Variants in TRMT11 observed in about 807,000 individuals in gnomAD.
TRMT11 encodes tRNA methyltransferase 11.
Under a neutral mutation model 62.8 loss-of-function variants are expected in TRMT11, and 53 were observed. The ratio of observed to expected loss-of-function variants is 0.84; its 90% CI spans 0.68 to 1.06. The LOEUF is 1.06. Ranked by LOEUF, TRMT11 falls within the 50% of genes least tolerant of loss-of-function variation. TRMT11 has a pLI of 0.00. For synonymous variants in TRMT11, 188 were observed against 190.3 expected (o/e 0.99, Z 0.10); for missense variants, 556 against 553.4 (o/e 1.00, Z -0.05).
At chr6:126,057,950 T>C (rs1011165809) in intron 17 of TRMT11, among the ~76,000 whole-genome samples, 1 of 127,340 alleles carries the variant, frequency 7.9e-6, no homozygotes. Context: ...TATTTCTTTT[T>C]TTCTTTTTCT....
At chr6:126,160,961 A>G (rs1778183345) in intron 21 of TRMT11, among the ~76,000 whole-genome samples, 1 of 152,228 alleles carries the variant, frequency 6.6e-6, no homozygotes, top group African/African-American at 2.4e-5. Flanking sequence ...AAAAGTACAG[A>G]AAGTTTAGAA....
intron 21 of TRMT11, among the ~76,000 whole-genome samples, chr6:126,171,004 A>G (rs982254455): frequency 3.3e-5 from 5 of 152,206 alleles, no homozygotes; most frequent in Non-Finnish European, 7.3e-5. Flanking sequence ...TTTAATGAGC[A>G]GGTTGATCCC....
At chr6:126,137,446 T>G (rs1401399324) in intron 21 of TRMT11, among the ~76,000 whole-genome samples, 1 of 151,760 alleles carries the variant, frequency 6.6e-6, no homozygotes, top group African/African-American at 2.4e-5. Context: ...TCAGATATTA[T>G]CTGATTGGCT....
chr6:126,070,682 C>T (rs1183013499), intron 17 of TRMT11, among the ~76,000 whole-genome samples: 1 of 152,164 alleles, frequency 6.6e-6, no homozygotes, highest in Non-Finnish European at 1.5e-5. Flanking sequence ...CCTACATAAA[C>T]CAAATGTGAG....
chr6:126,108,899 TCTA>T (rs1250118928), intron 17 of TRMT11, among the ~76,000 whole-genome samples: 16 of 152,130 alleles, frequency 1.1e-4, no homozygotes, highest in Admixed American at 7.2e-4. Flanking sequence ...AGGACACTCT[TCTA>T]CTATATGGAA....
intron 1 of TRMT11, among the ~76,000 whole-genome samples, chr6:126,183,863 G>A (rs1244620944): frequency 2.6e-5 from 4 of 152,104 alleles, no homozygotes; most frequent in Non-Finnish European, 5.9e-5. Flanking sequence ...AAGCTGATGC[G>A]AGCAACCTGA....
intron 17 of TRMT11, among the ~76,000 whole-genome samples, chr6:126,053,487 A>T (rs1776275854): frequency 6.6e-6 from 1 of 152,162 alleles, no homozygotes; most frequent in Admixed American, 6.5e-5. Context: ...TCTCAGACCT[A>T]ATCACTTTTG....
chr6:126,246,553 C>T, the TRMT11 span, among the ~76,000 whole-genome samples: 1 of 151,842 alleles, frequency 6.6e-6, no homozygotes, highest in African/African-American at 2.4e-5. Flanking sequence ...GCTGCATCCA[C>T]GGAAGTGACT....
At chr6:126,014,780 A>T (rs977671080) in intron 11 of TRMT11, among the ~76,000 whole-genome samples, 1 of 152,152 alleles carries the variant, frequency 6.6e-6, no homozygotes, top group African/African-American at 2.4e-5. Flanking sequence ...GTTGCTAATG[A>T]TCATCTCATT....
At chr6:126,033,480 T>G (rs948406487) in intron 12 of TRMT11, among the ~76,000 whole-genome samples, 17 of 152,208 alleles carry the variant, frequency 1.1e-4, no homozygotes, top group African/African-American at 4.1e-4. Context: ...AGGTCACGTT[T>G]ATATACCTTT....
At chr6:126,200,111 A>G (rs1778717836) in intron 3 of TRMT11, among the ~76,000 whole-genome samples, 1 of 152,214 alleles carries the variant, frequency 6.6e-6, no homozygotes, top group South Asian at 2.1e-4. Flanking sequence ...TCATGAGAGT[A>G]TAAATGGGAC....
chr6:126,183,351 T>G (rs11969106), intron 1 of TRMT11, among the ~76,000 whole-genome samples: 3,452 of 152,242 alleles, frequency 0.023, 128 homozygotes, highest in African/African-American at 0.078. Flanking sequence ...CAAAAGTTTC[T>G]TCTGTAATAA....
intron 17 of TRMT11, among the ~76,000 whole-genome samples, chr6:126,069,698 C>G (rs1776793598): frequency 6.6e-6 from 1 of 152,170 alleles, no homozygotes; most frequent in African/African-American, 2.4e-5. Flanking sequence ...TGTTTTCAGA[C>G]CATGTCATCC....
chr6:126,133,630 A>G (rs1777814207), intron 21 of TRMT11, among the ~76,000 whole-genome samples: 4 of 151,976 alleles, frequency 2.6e-5, no homozygotes, highest in Admixed American at 1.3e-4. Context: ...TAGACAATAT[A>G]GTGGGATTTC....
chr6:126,235,536 C>T, the TRMT11 span, among the ~76,000 whole-genome samples: 15 of 152,138 alleles, frequency 9.9e-5, no homozygotes, highest in Non-Finnish European at 2.2e-4. Context: ...CAAAAGAGAT[C>T]ATGTCCTTTG....
At chr6:126,151,203 G>A (rs1329620569) in intron 21 of TRMT11, among the ~76,000 whole-genome samples, 1 of 151,980 alleles carries the variant, frequency 6.6e-6, no homozygotes, top group Non-Finnish European at 1.5e-5. Context: ...CTTCAGGTTG[G>A]CACTAGTCCT....
intron 1 of TRMT11, among the ~76,000 whole-genome samples, chr6:126,183,178 G>C (rs1398659982): frequency 6.6e-6 from 1 of 152,040 alleles, no homozygotes; most frequent in Non-Finnish European, 1.5e-5. Context: ...CATCACTTTG[G>C]CAACACCATC....
chr6:126,199,847 A>G (rs1427868361), exon 3 of TRMT11: 6 of 152,240 alleles, frequency 3.9e-5, no homozygotes, highest in Admixed American at 3.3e-4. Flanking sequence ...CCTGCCTAGC[A>G]ATGAAGACCT....
chr6:126,125,944 C>T (rs1046357130), intron 21 of TRMT11, among the ~76,000 whole-genome samples: 12 of 152,080 alleles, frequency 7.9e-5, no homozygotes, highest in Admixed American at 2.0e-4. Flanking sequence ...TCTGATTTCT[C>T]GCTTCTTTCA....
Sources: allele counts gnomAD v4.1 joint callset (sites outside exome capture counted in the v4.1 genomes callset), GRCh38; gene constraint gnomAD v4.1.1; transcripts MANE v1.5; gene names NCBI Gene and HGNC (gene_info 2026-07-23, HGNC 2026-07-21).